TANC2: variants seen among roughly 807,000 people sequenced by gnomAD.
TANC2 encodes the protein tetratricopeptide repeat, ankyrin repeat and coiled-coil containing 2.
In TANC2, 26 loss-of-function variants were observed where a neutral mutation model predicts 210.5. The observed-to-expected ratio is 0.12, with a 90% CI of 0.09 to 0.17. The LOEUF (loss-of-function observed/expected upper bound fraction) is 0.17. Among genes scored for constraint, TANC2 ranks in the 10% least tolerant of loss-of-function variants. The pLI is 1.00. For missense variants in TANC2, 2,129 were observed against 2,608.9 expected, an observed-to-expected ratio of 0.82 and a Z score of 4.01; for synonymous variants, 931 against 967.1, an observed-to-expected ratio of 0.96 and a Z score of 0.69.
At chr17:63,335,194 CAA>C (rs1221263976) in intron 11 of TANC2, among the ~76,000 whole-genome samples, 5 of 152,164 alleles carry the variant, frequency 3.3e-5, no homozygotes, top group Admixed American at 3.3e-4. Flanking sequence ...ATATGATCCA[CAA>C]AGAGGGATAA....
chr17:63,314,022 C>T (rs368218359), intron 9 of TANC2, among the ~76,000 whole-genome samples: 1 of 152,170 alleles, frequency 6.6e-6, no homozygotes, highest in Non-Finnish European at 1.5e-5. Flanking sequence ...AAGGTTATCC[C>T]GTGGCGTAGC....
chr17:63,115,759 A>G (rs991672084), intron 4 of TANC2, among the ~76,000 whole-genome samples: 2 of 152,140 alleles, frequency 1.3e-5, no homozygotes, highest in African/African-American at 4.8e-5. Context: ...TTTGCTTTGT[A>G]TTTATTTTTT....
chr17:63,323,194 T>C (rs1258144233), intron 11 of TANC2, among the ~76,000 whole-genome samples: 2 of 152,240 alleles, frequency 1.3e-5, no homozygotes, highest in Non-Finnish European at 2.9e-5. Context: ...TGAGGTAGAC[T>C]AACATGAAAA....
chr17:62,997,187 G>A (rs1044096976), intron 1 of TANC2, among the ~76,000 whole-genome samples: 15 of 149,222 alleles, frequency 1.0e-4, no homozygotes, highest in Non-Finnish European at 1.2e-4. Flanking sequence ...CCAGGCTGGC[G>A]TGCAGTGGTG....
At chr17:63,385,932 T>A (rs758093723) in intron 15 of TANC2, among the ~76,000 whole-genome samples, 6 of 152,212 alleles carry the variant, frequency 3.9e-5, no homozygotes, top group Non-Finnish European at 8.8e-5. Flanking sequence ...TGACCCAGCC[T>A]TTTGGCTCAT....
At chr17:62,972,036 G>A (rs891571323) in intron 1 of TANC2, among the ~76,000 whole-genome samples, 3 of 152,228 alleles carry the variant, frequency 2.0e-5, no homozygotes, top group Admixed American at 1.3e-4. Context: ...AGGAACTTTG[G>A]GTCTGAGTTT....
At chr17:63,238,852 C>T (rs1303722880) in intron 8 of TANC2, among the ~76,000 whole-genome samples, 1 of 152,152 alleles carries the variant, frequency 6.6e-6, no homozygotes, top group Non-Finnish European at 1.5e-5. Flanking sequence ...AGAGCAAGCA[C>T]ACAGGGGAAC....
At chr17:63,347,573 A>T (rs2046454331) in intron 12 of TANC2, among the ~76,000 whole-genome samples, 1 of 152,220 alleles carries the variant, frequency 6.6e-6, no homozygotes, top group South Asian at 2.1e-4. Flanking sequence ...TAGAGTCAGA[A>T]GCTAGATTTC....
chr17:63,039,379 T>C (rs1428253190), intron 2 of TANC2, among the ~76,000 whole-genome samples: 9 of 152,232 alleles, frequency 5.9e-5, no homozygotes, highest in Non-Finnish European at 1.5e-5. Context: ...TTGTGCATTC[T>C]GTCCTTTTGT....
At chr17:63,099,455 T>G in intron 4 of TANC2, 98 bp downstream of exon 4, 1 of 879,488 alleles carries the variant, frequency 1.1e-6, no homozygotes, top group Non-Finnish European at 1.6e-6. Flanking sequence ...TTTAGGTTTT[T>G]CCTCTCTGGC....
At chr17:63,133,124 C>A (rs1310251735) in intron 4 of TANC2, among the ~76,000 whole-genome samples, 13 of 152,298 alleles carry the variant, frequency 8.5e-5, no homozygotes, top group African/African-American at 3.1e-4. Flanking sequence ...CAGGTGTGTG[C>A]CACCACGCCT....
intron 9 of TANC2, among the ~76,000 whole-genome samples, chr17:63,269,522 T>C (rs58846074): frequency 0.012 from 1,903 of 152,268 alleles, 41 homozygotes; most frequent in African/African-American, 0.043. Flanking sequence ...TTCCATCTTA[T>C]TACTAAAAAA....
Position 63,405,334 on chromosome 17 carries a change from A to G in TANC2, c.3465+79A>G, listed in dbSNP as rs144010730. The G allele has an allele frequency of 2.1e-3, 2,925 of 1,418,394 alleles. 56 individuals carry two copies. In the African/African-American group the frequency reaches 0.037, roughly 18 times the overall value. 87.9% of individuals were successfully genotyped at this position (1,418,394 alleles called of 1,614,324 possible). On this transcript the variant is annotated intron_variant, in intron 20 of 27. Coordinates refer to ENST00000689528, the Ensembl canonical transcript of TANC2. ...GACTTCTGATGCACAGAGCAAAATG[A>G]TCACAAGTAAAGTTTGGGTTACCCA...
At chr17:63,092,893 G>A (rs1598387633) in intron 3 of TANC2, among the ~76,000 whole-genome samples, 1 of 152,080 alleles carries the variant, frequency 6.6e-6, no homozygotes, top group Non-Finnish European at 1.5e-5. Flanking sequence ...TTCTTACTTA[G>A]TGAAGCGTCT....
chr17:63,113,130 C>T (rs1346769035), intron 4 of TANC2, among the ~76,000 whole-genome samples: 2 of 152,120 alleles, frequency 1.3e-5, no homozygotes, highest in East Asian at 1.9e-4. Flanking sequence ...TAAATATCCA[C>T]GATTCAAAAG....
At chr17:63,059,154 A>G (rs1198513045) in intron 2 of TANC2, among the ~76,000 whole-genome samples, 1 of 152,000 alleles carries the variant, frequency 6.6e-6, no homozygotes, top group Non-Finnish European at 1.5e-5. Flanking sequence ...AAAATCTGTT[A>G]AGAGATCTGG....
chr17:63,224,502 G>A (rs1286074249), intron 7 of TANC2, among the ~76,000 whole-genome samples: 1 of 152,110 alleles, frequency 6.6e-6, no homozygotes, highest in Non-Finnish European at 1.5e-5. Context: ...TCCACCCAAA[G>A]TGCTGGGATT....
chr17:63,005,301 G>A (rs1598231834), intron 1 of TANC2: 1 of 152,016 alleles, frequency 6.6e-6, no homozygotes, highest in African/African-American at 2.4e-5. Context: ...TGATCTACTT[G>A]TTAGTACTTC....
At chr17:63,202,588 C>A (rs935502062) in intron 7 of TANC2, among the ~76,000 whole-genome samples, 3 of 152,096 alleles carry the variant, frequency 2.0e-5, no homozygotes, top group African/African-American at 4.8e-5. Flanking sequence ...TGAATGTGTT[C>A]CATCATCTAT....
Sources: gnomAD v4.1 joint callset for allele counts (sites outside exome capture counted in the v4.1 genomes callset) on GRCh38, gnomAD v4.1.1 for gene constraint, MANE v1.5 for transcripts, NCBI Gene and HGNC (gene_info 2026-07-23, HGNC 2026-07-21) for gene names.